Variants in CDH4 observed in about 807,000 individuals in gnomAD.
The protein encoded by CDH4 is cadherin-4.
In CDH4, 33 loss-of-function variants were observed where a neutral mutation model predicts 86.0. That is an observed-to-expected ratio of 0.38 (90% CI 0.29 to 0.51). CDH4 has a LOEUF of 0.51. Ranked by LOEUF, CDH4 falls within the 20% of genes least tolerant of loss-of-function variation. CDH4 has a pLI of 0.86. For synonymous variants in CDH4, 555 were observed against 549.4 expected (o/e 1.01, Z -0.14); for missense variants, 1,114 against 1,307.4 (o/e 0.85, Z 2.28).
At chr20:61,602,963 C>T (rs2086614407) in intron 2 of CDH4, among the ~76,000 whole-genome samples, 2 of 152,244 alleles carry the variant, frequency 1.3e-5, no homozygotes, top group Non-Finnish European at 2.9e-5. Context: ...GACTCATTTT[C>T]ACCAGCTCCT....
chr20:61,710,390 A>G (rs1043698630), intron 2 of CDH4, among the ~76,000 whole-genome samples: 3 of 152,242 alleles, frequency 2.0e-5, no homozygotes, highest in Non-Finnish European at 2.9e-5. Context: ...AAGGCGGTAC[A>G]GGAACTCCCA....
intron 2 of CDH4, among the ~76,000 whole-genome samples, chr20:61,348,557 A>T (rs1310414464): frequency 6.6e-6 from 1 of 152,120 alleles, no homozygotes. Flanking sequence ...CTGAGCTTCC[A>T]GTGAGAGCTT....
intron 2 of CDH4, among the ~76,000 whole-genome samples, chr20:61,739,891 C>T (rs78402117): frequency 1.7e-3 from 262 of 152,314 alleles, no homozygotes; most frequent in Middle Eastern, 3.4e-3. Flanking sequence ...CAGCCACATT[C>T]GTAGAGAGGC....
chr20:61,672,675 C>CTGCCAAG (rs1231725778), intron 2 of CDH4, among the ~76,000 whole-genome samples: 4 of 152,148 alleles, frequency 2.6e-5, no homozygotes, highest in Admixed American at 1.3e-4. Flanking sequence ...AGTGAGGCAT[C>CTGCCAAG]TGCCAAGGGT....
At chr20:61,755,639 C>A (rs1003452125) in intron 3 of CDH4, among the ~76,000 whole-genome samples, 1 of 151,662 alleles carries the variant, frequency 6.6e-6, no homozygotes, top group Non-Finnish European at 1.5e-5. Flanking sequence ...CCCCACACAC[C>A]ACACACACGG....
At chr20:61,722,502 A>AT (rs1386460399) in intron 2 of CDH4, among the ~76,000 whole-genome samples, 2 of 152,164 alleles carry the variant, frequency 1.3e-5, no homozygotes, top group African/African-American at 2.4e-5. Context: ...ACCCAGGTGC[A>AT]TCCCCCCAGG....
At chr20:61,662,893 G>A (rs554470114) in intron 2 of CDH4, among the ~76,000 whole-genome samples, 5 of 150,904 alleles carry the variant, frequency 3.3e-5, no homozygotes, top group East Asian at 3.9e-4. Flanking sequence ...GCCCAGGATC[G>A]GGACACAGGT....
At chr20:61,863,270 G>C (rs1202283421) in intron 6 of CDH4, among the ~76,000 whole-genome samples, 3 of 152,236 alleles carry the variant, frequency 2.0e-5, no homozygotes, top group African/African-American at 7.2e-5. Context: ...AGACGAGGCT[G>C]TTCCTCACCT....
intron 2 of CDH4, among the ~76,000 whole-genome samples, chr20:61,680,470 G>A (rs1181935084): frequency 1.3e-5 from 2 of 152,134 alleles, no homozygotes; most frequent in Admixed American, 6.5e-5. Context: ...GAAACAAGAC[G>A]GTCACTCAGG....
chr20:61,852,186 C>G (rs947826079), intron 5 of CDH4, among the ~76,000 whole-genome samples: 1 of 152,124 alleles, frequency 6.6e-6, no homozygotes, highest in Non-Finnish European at 1.5e-5. Flanking sequence ...ACAGGGCACA[C>G]AGACGCAGAG....
At chr20:61,815,308 G>T (rs114216347) in intron 4 of CDH4, among the ~76,000 whole-genome samples, 116 of 152,324 alleles carry the variant, frequency 7.6e-4, no homozygotes, top group African/African-American at 2.6e-3. Context: ...AGGGCGTGGG[G>T]CTACCTGTCA....
At chr20:61,837,905 C>A (rs189873695) in intron 4 of CDH4, among the ~76,000 whole-genome samples, 4 of 152,148 alleles carry the variant, frequency 2.6e-5, no homozygotes, top group Non-Finnish European at 2.9e-5. Flanking sequence ...TCCCTTCCTC[C>A]CCTCCCATCT....
intron 2 of CDH4, among the ~76,000 whole-genome samples, chr20:61,620,231 CAGACAGACATAGATGGGTAGATAGATGAT>C (rs1568716927): frequency 0.019 from 265 of 13,754 alleles, no homozygotes; most frequent in South Asian, 0.033. Context: ...GGTAGGCAGA[CAGACAGACATAGATGGGTAGATAGATGAT>C]GGATGGGTGG....
intron 2 of CDH4, among the ~76,000 whole-genome samples, chr20:61,424,951 T>C (rs2085203696): frequency 6.6e-6 from 1 of 152,212 alleles, no homozygotes. Context: ...TTTAAAAAAC[T>C]GGACCCACCA....
intron 2 of CDH4, among the ~76,000 whole-genome samples, chr20:61,656,264 GGC>G (rs2087187288): frequency 2.2e-5 from 3 of 138,972 alleles, no homozygotes; most frequent in African/African-American, 8.1e-5. Context: ...GGGGTGGGCA[GGC>G]GCGTGCTGGG....
intron 2 of CDH4, among the ~76,000 whole-genome samples, chr20:61,654,608 A>G (rs1164131586): frequency 6.6e-6 from 1 of 152,236 alleles, no homozygotes; most frequent in African/African-American, 2.4e-5. Context: ...TTTATTCATT[A>G]GGTGTCTCTT....
chr20:61,327,981 G>C (rs531699042), intron 2 of CDH4, among the ~76,000 whole-genome samples: 7 of 152,286 alleles, frequency 4.6e-5, no homozygotes, highest in African/African-American at 1.7e-4. Context: ...GGACAATACT[G>C]ATGCTTTTGT....
intron 4 of CDH4, among the ~76,000 whole-genome samples, chr20:61,830,577 C>T (rs928293427): frequency 2.0e-5 from 3 of 152,206 alleles, no homozygotes; most frequent in Non-Finnish European, 4.4e-5. Flanking sequence ...GCAGCGGCCC[C>T]GCCTCCCAGG....
chr20:61,552,694 C>T (rs558487586), intron 2 of CDH4, among the ~76,000 whole-genome samples: 1 of 151,992 alleles, frequency 6.6e-6, no homozygotes, highest in East Asian at 1.9e-4. Context: ...AGTGAGACTC[C>T]ATCTCAAAAA....
Sources: gnomAD v4.1 joint callset for allele counts (sites outside exome capture counted in the v4.1 genomes callset) on GRCh38, gnomAD v4.1.1 for gene constraint, MANE v1.5 for transcripts, NCBI Gene and HGNC (gene_info 2026-07-23, HGNC 2026-07-21) for gene names.